The following RAD21L1 variants were observed in gnomAD, a reference collection of about 807,000 sequenced individuals.
RAD21L1 encodes the protein double-strand-break repair protein rad21-like protein 1.
In RAD21L1, 47 loss-of-function variants were observed where a neutral mutation model predicts 69.0. That is an observed-to-expected ratio of 0.68 (90% confidence interval 0.54 to 0.87). The LOEUF (loss-of-function observed/expected upper bound fraction) is 0.87. Ranked by LOEUF, RAD21L1 falls within the 40% of genes least tolerant of loss-of-function variation. The pLI is 0.00. For missense variants in RAD21L1, 583 were observed against 647.6 expected, an observed-to-expected ratio of 0.90 and a Z score of 1.08; for synonymous variants, 177 against 205.8, an observed-to-expected ratio of 0.86 and a Z score of 1.20.
intron 8 of RAD21L1, among the ~76,000 whole-genome samples, chr20:1,240,889 A>G (rs1308889952): frequency 1.3e-5 from 2 of 152,224 alleles, no homozygotes; most frequent in African/African-American, 4.8e-5. Flanking sequence ...GGGCCTGCTG[A>G]GTAGCCCTGC....
At chr20:1,230,701 A>C in intron 3 of RAD21L1, 1 of 513,894 alleles carries the variant, frequency 1.9e-6, no homozygotes, top group Non-Finnish European at 2.5e-6. Context: ...TTGTTGAATC[A>C]GGATTGACAG....
In RAD21L1 at chr20:1,228,547, G is replaced by C; in HGVS notation, c.94G>C (p.Val32Leu). Reference sequence around the variant, plus strand: ...GGAGAAGAAACTCACAAAGGCCCATGTATTTGAATGTAATCTAGAGATAAC... The same window carrying C: ...GGAGAAGAAACTCACAAAGGCCCATCTATTTGAATGTAATCTAGAGATAAC... ...HWEKKLTKAH[V>L]FECNLEITIE... Residue 32 changes from valine to leucine, a missense_variant, in exon 2 of 14, where the codon GTA (valine) becomes CTA (leucine). Transcript: ENST00000683101. 6.5e-7 allele frequency: 1 copy of C among 1,549,976 alleles called. No homozygotes were observed. Among genetic ancestry groups the C allele is most frequent in the Non-Finnish European group, 8.7e-7 (1 of 1,146,154 alleles).
rs181149809 is a variant in RAD21L1 at position 1,231,737 on chromosome 20, A to G, written c.368+118A>G. On this transcript the variant is annotated intron_variant, in intron 4 of 13. Coordinates refer to ENST00000683101, the MANE Select transcript of RAD21L1 (RefSeq NM_001384355.1). ...AACTGCACAAGTACAGATGTAATTG[A>G]TAAAGACTTATATTTGGTATAAACT... The G allele has an allele frequency of 1.5e-5, 9 of 594,850 alleles. No individual in the cohort carries two copies. The East Asian group carries it at 2.6e-4, about 17-fold the overall frequency. 36.8% of individuals were successfully genotyped at this position (594,850 alleles called of 1,614,324 possible). A position where few individuals can be genotyped will look rare whatever the true frequency, so the allele number is the denominator to read the frequency against.
chr20:1,251,638 T>G (rs1250343423), intron 13 of RAD21L1, among the ~76,000 whole-genome samples: 1 of 151,784 alleles, frequency 6.6e-6, no homozygotes, highest in African/African-American at 2.4e-5. Flanking sequence ...ACTCCTTTAA[T>G]TTTAATAACA....
chr20:1,254,550 T>G lies in RAD21L1; in HGVS notation c.*93T>G. ...GAAGCCATCTGGAAGCAGCTGAAGG[T>G]CTGATCCATTTCATAGATAGGCTGA... On this transcript the variant is annotated 3_prime_UTR_variant, in exon 14 of 14. Coordinates refer to ENST00000683101, the MANE Select transcript of RAD21L1 (RefSeq NM_001384355.1). The G allele has an allele frequency of 1.2e-6, 1 of 825,272 alleles. No individual in the cohort carries two copies. The highest frequency in any genetic ancestry group is 1.8e-6 in the Non-Finnish European group (1 of 570,892). The allele number at this position is 825,272 out of a possible 1,614,324, so 51.1% of individuals were successfully genotyped here.
At chr20:1,242,020 T>C (rs2087617571) in intron 8 of RAD21L1, among the ~76,000 whole-genome samples, 1 of 152,184 alleles carries the variant, frequency 6.6e-6, no homozygotes, top group Middle Eastern at 3.2e-3. Flanking sequence ...AGAAAGTTAT[T>C]CTATTACATA....
chr20:1,242,869 T>C (rs1246041658), intron 9 of RAD21L1, 24 bp downstream of exon 9: 3 of 1,345,204 alleles, frequency 2.2e-6, no homozygotes, highest in South Asian at 2.5e-5. Context: ...CCCTTCTACA[T>C]GTGAGCAATG....
At chr20:1,233,128 T>A (rs1054597281) in intron 4 of RAD21L1, among the ~76,000 whole-genome samples, 3 of 152,152 alleles carry the variant, frequency 2.0e-5, no homozygotes, top group African/African-American at 7.2e-5. Flanking sequence ...CCAATCTAAG[T>A]TATTTTATTC....
chr20:1,231,500 T>G, intron 3 of RAD21L1, 26 bp from the exon 4 acceptor site: 29 of 1,161,670 alleles, frequency 2.5e-5, no homozygotes, highest in Middle Eastern at 1.9e-4. Context: ...TGTTGCTTAT[T>G]GAGTATGGTT....
chr20:1,240,698 C>T (rs1201090928), intron 8 of RAD21L1, among the ~76,000 whole-genome samples: 2 of 152,132 alleles, frequency 1.3e-5, no homozygotes, highest in African/African-American at 4.8e-5. Context: ...TTCAATCACA[C>T]CCACCCACCA....
chr20:1,235,063 C>T, intron 5 of RAD21L1, among the ~76,000 whole-genome samples: 1 of 152,094 alleles, frequency 6.6e-6, no homozygotes, highest in Non-Finnish European at 1.5e-5. Context: ...AAAATGGAAG[C>T]AATATGGTGT....
intron 2 of RAD21L1, 44 bp downstream of exon 2, chr20:1,228,641 T>G (rs1391506823): frequency 2.2e-6 from 3 of 1,351,316 alleles, no homozygotes; most frequent in Non-Finnish European, 3.0e-6. Flanking sequence ...ATCATGACTT[T>G]GGAGGAGGAA....
intron 13 of RAD21L1, among the ~76,000 whole-genome samples, chr20:1,252,235 C>G (rs936775215): frequency 2.0e-5 from 3 of 152,016 alleles, no homozygotes; most frequent in African/African-American, 7.3e-5. Flanking sequence ...CTTGTAGATC[C>G]TAGGATTATC....
Position 1,235,539 on chromosome 20 carries a change from T to C in RAD21L1, c.475+1348T>C, listed in dbSNP as rs2087476390. On this transcript the variant is annotated intron_variant, in intron 5 of 13. Transcript: ENST00000683101. ...AGAGTCAACATATATAAAATTGCTCTGTCAAATTTCTGTAAAACTTTCTGA... is the reference window on the plus strand; with the variant it reads ...AGAGTCAACATATATAAAATTGCTCCGTCAAATTTCTGTAAAACTTTCTGA... Among the ~76,000 whole-genome samples, 3 of 152,228 alleles carry C rather than the reference T, an allele frequency of 2.0e-5. No homozygotes were observed. The South Asian group carries it at 6.2e-4, about 32-fold the overall frequency.
intron 5 of RAD21L1, among the ~76,000 whole-genome samples, chr20:1,236,069 G>C (rs772934531): frequency 5.9e-4 from 89 of 152,082 alleles, no homozygotes; most frequent in Non-Finnish European, 8.7e-4. Flanking sequence ...TGCCCGGCCA[G>C]GATCACTTTT....
At chr20:1,243,814 G>C (rs1272387068) in intron 10 of RAD21L1, among the ~76,000 whole-genome samples, 1 of 152,204 alleles carries the variant, frequency 6.6e-6, no homozygotes, top group Non-Finnish European at 1.5e-5. Context: ...GTGAGAGCGT[G>C]TGTAGAGGAG....
At position 1,228,458 on chromosome 20, in the gene RAD21L1, T is replaced by C; in HGVS notation, c.5T>C (p.Phe2Ser). ...CAAGTAAGGAACACAGGCAACATGTTCTACACACATGTGCTTATGAGTAAA... is the reference window on the plus strand; with the variant it reads ...CAAGTAAGGAACACAGGCAACATGTCCTACACACATGTGCTTATGAGTAAA... The part of the protein sequence containing the change: M[F>S]YTHVLMSKRG... The change falls in exon 2 of 14, where the codon TTC becomes TCC. Residue 2 changes from phenylalanine to serine, a missense_variant. Coordinates refer to ENST00000683101, the MANE Select transcript of RAD21L1 (RefSeq NM_001384355.1). The C allele has an allele frequency of 4.6e-6, 7 of 1,534,898 alleles. No homozygotes were observed. Among genetic ancestry groups the C allele is most frequent in the Non-Finnish European group, 6.1e-6 (7 of 1,141,340 alleles).
intron 5 of RAD21L1, among the ~76,000 whole-genome samples, chr20:1,236,335 C>G (rs189205027): frequency 6.6e-6 from 1 of 152,248 alleles, no homozygotes; most frequent in Admixed American, 6.5e-5. Flanking sequence ...TGCTTAAGTG[C>G]CTTGGGTCCC....
intron 13 of RAD21L1, among the ~76,000 whole-genome samples, chr20:1,250,066 T>C (rs1600231546): frequency 6.8e-6 from 1 of 146,906 alleles, no homozygotes; most frequent in East Asian, 2.1e-4. Flanking sequence ...CCAAGTGTTC[T>C]CATTGTTCAA....
Sources: gnomAD v4.1 joint callset for allele counts (sites outside exome capture counted in the v4.1 genomes callset) on GRCh38, gnomAD v4.1.1 for gene constraint, MANE v1.5 for transcripts, NCBI Gene and HGNC (gene_info 2026-07-23, HGNC 2026-07-21) for gene names.